The following AKR1C3 variants were observed in gnomAD, a reference collection of about 807,000 sequenced individuals.
The protein encoded by AKR1C3 is aldo-keto reductase family 1 member C3.
AKR1C3 carries 48 observed loss-of-function variants against 43.6 expected under a neutral mutation model. The observed-to-expected ratio is 1.10, with a 90% CI of 0.87 to 1.40. AKR1C3 has a LOEUF of 1.40. Ranked by LOEUF, AKR1C3 falls within the 40% of genes most tolerant of loss-of-function variation. The pLI is 0.00. For missense variants in AKR1C3, 482 were observed against 391.2 expected (o/e 1.23, Z -1.96); for synonymous variants, 162 against 139.6 (o/e 1.16, Z -1.13).
At chr10:5,079,746 C>T (rs1426263447) in intron 1 of AKR1C3, among the ~76,000 whole-genome samples, 1 of 152,116 alleles carries the variant, frequency 6.6e-6, no homozygotes, top group Non-Finnish European at 1.5e-5. Context: ...AGCCCCTATT[C>T]TCTCTGTAGC....
rs782398469 is a variant in AKR1C3 at position 5,102,124 on chromosome 10, C to G, written c.594C>G (p.Asn198Lys). Residue 198 changes from asparagine to lysine, a missense_variant, in exon 6 of 9, where the codon AAC becomes AAG. Physicochemically the swap from Asn to Lys is moderately conservative, Grantham distance 94 (BLOSUM62 0). Coordinates refer to ENST00000380554, the MANE Select transcript of AKR1C3 (RefSeq NM_003739.6). ...AGGTAGAATGTCATCCGTATTTCAA[C>G]CGGAGTAAATTGCTAGATTTCTGCA... The part of the protein sequence containing the change: ...CNQVECHPYF[N>K]RSKLLDFCKS... The G allele has an allele frequency of 4.4e-5, 71 of 1,613,156 alleles. No individual in the cohort carries two copies. Among genetic ancestry groups the G allele is most frequent in the Non-Finnish European group, 5.9e-5 (70 of 1,179,344 alleles).
chr10:5,105,759 C>CAGA, intron 8 of AKR1C3, 82 bp downstream of exon 8: 2 of 1,004,336 alleles, frequency 2.0e-6, no homozygotes, highest in Non-Finnish European at 3.1e-6. Context: ...ACCTCCATAC[C>CAGA]AGAGGGACAG....
intron 3 of AKR1C3, 135 bp from the exon 4 acceptor site, chr10:5,098,667 T>A: frequency 2.8e-6 from 2 of 709,550 alleles, no homozygotes; most frequent in Non-Finnish European, 2.5e-6. Flanking sequence ...TGTAAAACAC[T>A]TAGCACATAT....
In AKR1C3 at chr10:5,062,072, A is replaced by T. The variant is rs368748900; in HGVS notation, c.84+13177A>T. 2.0e-5 allele frequency among the ~76,000 whole-genome samples: 3 copies of T among 152,350 alleles called. No homozygotes were observed. In the South Asian group the frequency reaches 6.2e-4, roughly 32 times the overall value. On this transcript the variant is annotated intron_variant, in intron 1 of 8. Coordinates refer to the AKR1C3 transcript ENST00000439082. Reference sequence around the variant, plus strand: ...CTTTCACATAGTTTTTAGGAGTACAAAGTAAATCAGCTAATCATGGGGACA... The same window carrying T: ...CTTTCACATAGTTTTTAGGAGTACATAGTAAATCAGCTAATCATGGGGACA...
chr10:5,104,284 GT>G (rs1839440377), intron 7 of AKR1C3, among the ~76,000 whole-genome samples: 1 of 151,942 alleles, frequency 6.6e-6, no homozygotes. Context: ...TCAATACTAA[GT>G]AAAATAAAAA....
intron 1 of AKR1C3, chr10:5,077,570 T>C: frequency 1.4e-6 from 1 of 706,452 alleles, no homozygotes; most frequent in Non-Finnish European, 1.7e-6. Context: ...TTTGAATGGA[T>C]TTCTGAAGAC....
At chr10:5,058,703 C>G (rs544904505) in intron 1 of AKR1C3, among the ~76,000 whole-genome samples, 1 of 152,318 alleles carries the variant, frequency 6.6e-6, no homozygotes, top group South Asian at 2.1e-4. Context: ...CTTGCGCTCA[C>G]CGACGCAGCA....
intron 7 of AKR1C3, among the ~76,000 whole-genome samples, chr10:5,103,141 G>C (rs1342528373): frequency 1.3e-5 from 2 of 152,106 alleles, no homozygotes; most frequent in Admixed American, 6.5e-5. Flanking sequence ...CCCACCTGCT[G>C]TGGCCTCCCA....
chr10:5,092,924 T>C (rs1839126474), upstream of AKR1C3, among the ~76,000 whole-genome samples: 1 of 152,092 alleles, frequency 6.6e-6, no homozygotes, highest in Non-Finnish European at 1.5e-5. Flanking sequence ...TCTATATAGA[T>C]TTGTTCTGTG....
Position 5,077,567 on chromosome 10 carries a change from G to T in AKR1C3, c.85-18843G>T, listed in dbSNP as rs528072745. 2.1e-5 allele frequency: 14 copies of T among 668,686 alleles called. No homozygotes were observed. The African/African-American group carries it at 2.7e-4, about 13-fold the overall frequency. 41.4% of individuals were successfully genotyped at this position (668,686 alleles called of 1,614,324 possible). ...GAAATGCAAGGTTTGTCTTTTGAAT[G>T]GATTTCTGAAGACAATGGGTAAAAC... is the stretch of plus-strand genomic sequence containing the variant. On this transcript the variant is annotated intron_variant, in intron 1 of 8. Coordinates refer to the AKR1C3 transcript ENST00000439082.
upstream of AKR1C3, among the ~76,000 whole-genome samples, chr10:5,091,998 C>G (rs562853274): frequency 4.6e-5 from 7 of 152,156 alleles, no homozygotes; most frequent in Non-Finnish European, 1.0e-4. Flanking sequence ...GCAATGGACT[C>G]TTGCAGCTTT....
chr10:5,072,102 A>G (rs930177486), intron 1 of AKR1C3, among the ~76,000 whole-genome samples: 9 of 152,288 alleles, frequency 5.9e-5, no homozygotes, highest in Admixed American at 5.9e-4. Flanking sequence ...GACAGGTGGG[A>G]ATGAAGACCA....
At chr10:5,087,014 T>G (rs1838981277) in intron 1 of AKR1C3, among the ~76,000 whole-genome samples, 1 of 152,212 alleles carries the variant, frequency 6.6e-6, no homozygotes, top group Non-Finnish European at 1.5e-5. Context: ...GGGTCTTGAC[T>G]CTTTATCCAA....
At chr10:5,099,506 A>G (rs1008743170) in intron 5 of AKR1C3, 57 bp downstream of exon 5, 2 of 1,609,552 alleles carry the variant, frequency 1.2e-6, no homozygotes, top group South Asian at 1.1e-5. Context: ...TTCCTGTCCT[A>G]TTGCCAAATA....
At chr10:5,106,302 G>T (rs1839498899) in intron 8 of AKR1C3, among the ~76,000 whole-genome samples, 1 of 152,154 alleles carries the variant, frequency 6.6e-6, no homozygotes, top group Non-Finnish European at 1.5e-5. Flanking sequence ...TCTCAAGGCA[G>T]AGAATTTAAA....
At chr10:5,078,279 C>T (rs1838757457) in intron 1 of AKR1C3, among the ~76,000 whole-genome samples, 1 of 152,130 alleles carries the variant, frequency 6.6e-6, no homozygotes, top group Non-Finnish European at 1.5e-5. Context: ...CTCGTCTCTA[C>T]TGAAAATACA....
At chr10:5,106,633 C>A (rs1403924915) in intron 8 of AKR1C3, among the ~76,000 whole-genome samples, 2 of 152,026 alleles carry the variant, frequency 1.3e-5, no homozygotes, top group Non-Finnish European at 2.9e-5. Flanking sequence ...TACCTGTAAT[C>A]CCAGCTACTT....
chr10:5,059,567 G>A (rs542155512), intron 1 of AKR1C3, among the ~76,000 whole-genome samples: 5 of 152,306 alleles, frequency 3.3e-5, no homozygotes, highest in African/African-American at 1.2e-4. Context: ...ACTCCGAAGA[G>A]TCGGGGGTTG....
intron 7 of AKR1C3, among the ~76,000 whole-genome samples, chr10:5,103,017 G>A (rs1302718467): frequency 2.0e-5 from 3 of 150,750 alleles, no homozygotes; most frequent in African/African-American, 7.4e-5. Context: ...AGCCTCCTGA[G>A]TAGCTGGGAT....
Sources: gnomAD v4.1 joint callset for allele counts (sites outside exome capture counted in the v4.1 genomes callset) on GRCh38, gnomAD v4.1.1 for gene constraint, MANE v1.5 for transcripts, NCBI Gene and HGNC (gene_info 2026-07-23, HGNC 2026-07-21) for gene names.